CAPN1: variants seen among roughly 807,000 people sequenced by gnomAD.
CAPN1 encodes calpain-1 catalytic subunit.
Under a neutral mutation model 105.2 loss-of-function variants are expected in CAPN1, and 77 were observed. That is an observed-to-expected ratio of 0.73 (90% CI 0.61 to 0.88). CAPN1 has a LOEUF of 0.88. CAPN1 is among the 40% of genes least tolerant of loss of function. The pLI is 0.00. For synonymous variants in CAPN1, 355 were observed against 388.8 expected (o/e 0.91, Z 1.02); for missense variants, 833 against 976.6 (o/e 0.85, Z 1.96).
intron 1 of CAPN1, chr11:65,182,262 T>A: frequency 1.2e-5 from 1 of 84,044 alleles, no homozygotes; most frequent in Non-Finnish European, 2.6e-5. Flanking sequence ...ACCCCGACCG[T>A]CTGGGGTTTT....
rs905341400 is a variant in CAPN1 at position 65,208,490 on chromosome 11, C to T, written c.1729+228C>T. 1.8e-5 allele frequency: 11 copies of T among 594,636 alleles called. No homozygotes were observed. The highest frequency in any genetic ancestry group is 5.7e-5 in the East Asian group (2 of 34,804). The allele number at this position is 594,636 out of a possible 1,614,324, so 36.8% of individuals were successfully genotyped here. ...TGCTGTGCCTTTGTGGGATTAGCAG[C>T]GCAGCCTGGCCAGGCACAGTGGCTC... On this transcript the variant is annotated intron_variant, in intron 16 of 21. Coordinates refer to ENST00000279247, the MANE Select transcript of CAPN1 (RefSeq NM_005186.4). The surrounding 1 kb of genome is among the most constrained non-coding windows in gnomAD (Gnocchi z 4.1).
Position 65,210,772 on chromosome 11 carries a change from A to C in CAPN1, c.2060-42A>C. 1 of 1,538,634 alleles carries C rather than the reference A, an allele frequency of 6.5e-7. No individual in the cohort carries two copies. The highest frequency in any genetic ancestry group is 2.2e-5 in the East Asian group (1 of 44,524). On this transcript the variant is annotated intron_variant, in intron 20 of 21. Coordinates refer to ENST00000279247, the MANE Select transcript of CAPN1 (RefSeq NM_005186.4). The surrounding 1 kb of genome is among the most constrained non-coding windows in gnomAD (Gnocchi z 4.3). The stretch of plus-strand genomic sequence containing the variant: ...AGGCCTGGCCCTGCGTGAATATCCC[A>C]CTGAGTTTTCAGCCCTGTATCACCT...
intron 11 of CAPN1, among the ~76,000 whole-genome samples, 169 bp downstream of exon 11, chr11:65,205,027 C>G (rs1231907462): frequency 6.6e-6 from 1 of 152,208 alleles, no homozygotes; most frequent in Non-Finnish European, 1.5e-5. Context: ...TCTCAGCCTC[C>G]AGGAGGCACC....
chr11:65,208,069 AGAG>A lies in CAPN1; in HGVS notation c.1624_1626del (p.Glu542del). 6.2e-7 allele frequency: 1 copy of A among 1,601,360 alleles called. No homozygotes were observed. ...TCTCGGTCCAGCAAGTGCTCTCAGA[AGAG>A]GAGATTGACGAGAACTTCAAGGCCC... On this transcript the variant is annotated inframe_deletion, in exon 15 of 22. Transcript: ENST00000279247. The surrounding 1 kb of genome is among the most constrained non-coding windows in gnomAD (Gnocchi z 4.1).
At chr11:65,195,655 G>A (rs1033765721) in intron 10 of CAPN1, among the ~76,000 whole-genome samples, 4 of 151,952 alleles carry the variant, frequency 2.6e-5, no homozygotes, top group African/African-American at 7.3e-5. Flanking sequence ...GGGAGGGGGT[G>A]GATTTTTGCA....
chr11:65,187,713 T>A (rs1948655925), intron 7 of CAPN1: 1 of 463,112 alleles, frequency 2.2e-6, no homozygotes, highest in Non-Finnish European at 4.0e-6. Context: ...ATGGTGAAAC[T>A]CTGTCTCTAC....
chr11:65,209,747 A>T lies in CAPN1; in HGVS notation c.1795-102A>T. ...TTGCTGCTTCTCCTCACCCAGCCCCAAGTCGACTTGCCGGCTCGGCGGCCA... is the reference window on the plus strand; with the variant it reads ...TTGCTGCTTCTCCTCACCCAGCCCCTAGTCGACTTGCCGGCTCGGCGGCCA... On this transcript the variant is annotated intron_variant, in intron 17 of 21. Transcript: ENST00000279247. This position sits in a 1 kb window ranked among gnomAD's most constrained non-coding sequence, Gnocchi z 4.1. The T allele has an allele frequency of 8.6e-7, 1 of 1,156,200 alleles. No individual in the cohort carries two copies. The highest frequency in any genetic ancestry group is 1.4e-5 in the South Asian group (1 of 71,820). The allele number at this position is 1,156,200 out of a possible 1,614,324, so 71.6% of individuals were successfully genotyped here.
chr11:65,210,598 G>A lies in CAPN1; in HGVS notation c.2059+146G>A. 1 of 710,276 alleles carries A rather than the reference G, an allele frequency of 1.4e-6. No homozygotes were observed. The highest frequency in any genetic ancestry group is 1.7e-5 in the South Asian group (1 of 60,070). 44.0% of individuals were successfully genotyped at this position (710,276 alleles called of 1,614,324 possible). On this transcript the variant is annotated intron_variant, in intron 20 of 21. Coordinates refer to ENST00000279247, the MANE Select transcript of CAPN1 (RefSeq NM_005186.4). This position sits in a 1 kb window ranked among gnomAD's most constrained non-coding sequence, Gnocchi z 4.3. Reference sequence around the variant, plus strand: ...GAGAGGCCTGGGTCTGGGTTTGGGGGGCCCTGGCTGAGTGCCAGGAGAGTC... The same window carrying A: ...GAGAGGCCTGGGTCTGGGTTTGGGGAGCCCTGGCTGAGTGCCAGGAGAGTC...
At position 65,209,696 on chromosome 11, in the gene CAPN1, G is replaced by T. The variant is rs982140862; in HGVS notation, c.1795-153G>T. ...CCAGCTCAGAGAATAAGGCAAGCCC[G>T]GCTGTGGGCTGACTGTACATGGCTT... On this transcript the variant is annotated intron_variant, in intron 17 of 21. Coordinates refer to ENST00000279247, the MANE Select transcript of CAPN1 (RefSeq NM_005186.4). This position sits in a 1 kb window ranked among gnomAD's most constrained non-coding sequence, Gnocchi z 4.1. The T allele has an allele frequency of 5.3e-6, 4 of 753,214 alleles. No homozygotes were observed. In the Admixed American group the frequency reaches 7.0e-5, roughly 13 times the overall value. The allele number at this position is 753,214 out of a possible 1,614,324, so 46.7% of individuals were successfully genotyped here. A position where few individuals can be genotyped will look rare whatever the true frequency, so the allele number is the denominator to read the frequency against.
chr11:65,190,600 T>C (rs1283073375), intron 10 of CAPN1, among the ~76,000 whole-genome samples: 1 of 152,250 alleles, frequency 6.6e-6, no homozygotes, highest in Non-Finnish European at 1.5e-5. Flanking sequence ...TCTATCCCTC[T>C]GCCGATAACA....
Position 65,210,761 on chromosome 11 carries a change from G to A in CAPN1, c.2060-53G>A, listed in dbSNP as rs1387703327. ...GGAAGGGGGCCAGGCCTGGCCCTGC[G>A]TGAATATCCCACTGAGTTTTCAGCC... On this transcript the variant is annotated intron_variant, in intron 20 of 21. Coordinates refer to ENST00000279247, the MANE Select transcript of CAPN1 (RefSeq NM_005186.4). The surrounding 1 kb of genome is among the most constrained non-coding windows in gnomAD (Gnocchi z 4.3). 8.9e-6 allele frequency: 13 copies of A among 1,459,154 alleles called. No individual in the cohort carries two copies. Among genetic ancestry groups the A allele is most frequent in the Middle Eastern group, 1.7e-4 (1 of 5,806 alleles). 90.4% of individuals were successfully genotyped at this position (1,459,154 alleles called of 1,614,324 possible). A position where few individuals can be genotyped will look rare whatever the true frequency, so the allele number is the denominator to read the frequency against.
In CAPN1 at chr11:65,188,137, G is replaced by A; in HGVS notation, c.929+97G>A. ...CTCTACCAGGCCAGGCTGGACTCAGGATTGAGCAGAGGGGCCCATCTTCGC... is the reference window on the plus strand; with the variant it reads ...CTCTACCAGGCCAGGCTGGACTCAGAATTGAGCAGAGGGGCCCATCTTCGC... On this transcript the variant is annotated intron_variant, in intron 8 of 21. Coordinates refer to ENST00000279247, the MANE Select transcript of CAPN1 (RefSeq NM_005186.4). This position sits in a 1 kb window ranked among gnomAD's most constrained non-coding sequence, Gnocchi z 5.5. 2.2e-6 allele frequency: 2 copies of A among 914,038 alleles called. No homozygotes were observed. The highest frequency in any genetic ancestry group is 1.7e-5 in the South Asian group (1 of 59,124). The allele number at this position is 914,038 out of a possible 1,614,324, so 56.6% of individuals were successfully genotyped here.
intron 11 of CAPN1, 115 bp downstream of exon 11, chr11:65,204,973 A>C: frequency 1.2e-6 from 1 of 842,758 alleles, no homozygotes; most frequent in Non-Finnish European, 1.8e-6. Flanking sequence ...GCCCTTCCCC[A>C]CAAATTCCCC....
intron 10 of CAPN1, among the ~76,000 whole-genome samples, chr11:65,202,393 C>T (rs1297914491): frequency 6.6e-6 from 1 of 152,142 alleles, no homozygotes; most frequent in Non-Finnish European, 1.5e-5. Context: ...ATTAAATATA[C>T]AATTTAAATG....
Position 65,209,258 on chromosome 11 carries a change from C to T in CAPN1, c.1730-65C>T. ...GTCCTTGACTCTGCCCCACCCAGTGCTCCCAGCAGGGGCAGGTGCAGGAAG... is the reference window on the plus strand; with the variant it reads ...GTCCTTGACTCTGCCCCACCCAGTGTTCCCAGCAGGGGCAGGTGCAGGAAG... On this transcript the variant is annotated intron_variant, in intron 16 of 21. Transcript: ENST00000279247. The surrounding 1 kb of genome is among the most constrained non-coding windows in gnomAD (Gnocchi z 4.1). 7.4e-7 allele frequency: 1 copy of T among 1,345,186 alleles called. No homozygotes were observed. Among genetic ancestry groups the T allele is most frequent in the Non-Finnish European group, 1.1e-6 (1 of 947,752 alleles). 83.3% of individuals were successfully genotyped at this position (1,345,186 alleles called of 1,614,324 possible).
chr11:65,201,393 C>T (rs149618074), intron 10 of CAPN1, among the ~76,000 whole-genome samples: 1,596 of 152,264 alleles, frequency 0.01, 17 homozygotes, highest in Non-Finnish European at 0.016. Flanking sequence ...TGGTGCAGGA[C>T]GCTTTTAAGA....
rs967133383 is a variant in CAPN1 at position 65,211,377 on chromosome 11, G to A, written c.*91G>A. ...CACACCACACCAGGCCACCCCAGCT[G>A]CAAGTGCCTTCCTTGGAGCAGAGAG... On this transcript the variant is annotated 3_prime_UTR_variant, in exon 22 of 22. Transcript: ENST00000279247. The A allele has an allele frequency of 1.6e-6, 2 of 1,280,754 alleles. No individual in the cohort carries two copies. The highest frequency in any genetic ancestry group is 1.5e-5 in the African/African-American group (1 of 68,466). The allele number at this position is 1,280,754 out of a possible 1,614,324, so 79.3% of individuals were successfully genotyped here.
In CAPN1 at chr11:65,183,571, T is replaced by C. The variant is rs1948582878; in HGVS notation, c.435T>C (p.Tyr145=). 6.2e-7 allele frequency: 1 copy of C among 1,613,236 alleles called. No homozygotes were observed. The highest frequency in any genetic ancestry group is 1.7e-5 in the Admixed American group (1 of 60,000). The change falls in exon 4 of 22, where the codon TAT becomes TAC. Residue 145 remains tyrosine, a synonymous_variant. Coordinates refer to ENST00000279247, the MANE Select transcript of CAPN1 (RefSeq NM_005186.4). ...ACGGCCAGAGCTTCCAGAATGGCTA[T>C]GCCGGCATCTTCCATTTCCAGGTGA... ...VPHGQSFQNG[Y]AGIFHFQLWQ... is the part of the protein sequence containing the mutation.
rs1017336770 is a variant in CAPN1, at chr11:65,208,645, G to A, written c.1729+383G>A. 4 of 336,726 alleles carry A rather than the reference G, an allele frequency of 1.2e-5. No homozygotes were observed. The highest frequency in any genetic ancestry group is 2.6e-5 in the South Asian group (1 of 38,952). The allele number at this position is 336,726 out of a possible 1,614,324, so 20.9% of individuals were successfully genotyped here. On this transcript the variant is annotated intron_variant, in intron 16 of 21. Transcript: ENST00000279247. The surrounding 1 kb of genome is among the most constrained non-coding windows in gnomAD (Gnocchi z 4.1). ...AGTACAAAAATTAGCTGGGCGTGGT[G>A]GCATGCACCTATAGTCCCAGCTACT...
Sources: allele counts gnomAD v4.1 joint callset (sites outside exome capture counted in the v4.1 genomes callset), GRCh38; gene constraint gnomAD v4.1.1; non-coding constraint Gnocchi (gnomAD v3.1); transcripts MANE v1.5; gene names NCBI Gene and HGNC (gene_info 2026-07-23, HGNC 2026-07-21).